The following DRC4 variants were observed in gnomAD, a reference collection of about 807,000 sequenced individuals.
DRC4 encodes the protein GAS-11.
At chr16:90,033,906 A>C in the DRC4 span, among the ~76,000 whole-genome samples, 1 of 150,830 alleles carries the variant, frequency 6.6e-6, no homozygotes, top group African/African-American at 2.4e-5. Flanking sequence ...GGGAGACGGG[A>C]TGGGCCAGTG....
chr16:90,027,474 G>A, the DRC4 span, among the ~76,000 whole-genome samples: 1 of 152,188 alleles, frequency 6.6e-6, no homozygotes, highest in Non-Finnish European at 1.5e-5. Flanking sequence ...GGATGTGTGT[G>A]TGGTAAAGGG....
the DRC4 span, among the ~76,000 whole-genome samples, chr16:90,041,496 ACTT>A: frequency 6.6e-6 from 1 of 151,832 alleles, no homozygotes; most frequent in Non-Finnish European, 1.5e-5. Flanking sequence ...GCTGAAGACT[ACTT>A]TTTTCTGTTA....
At chr16:90,019,637 C>T in the DRC4 span, 11 of 420,444 alleles carry the variant, frequency 2.6e-5, 1 homozygote, top group South Asian at 5.7e-4. The surrounding 1 kb of genome is among the most constrained non-coding windows in gnomAD (Gnocchi z 6.1). Flanking sequence ...CCGACCCTTC[C>T]CTCGCGGGCC....
the DRC4 span, chr16:90,036,907 G>C: frequency 3.6e-6 from 2 of 556,290 alleles, no homozygotes; most frequent in Non-Finnish European, 3.2e-6. Context: ...AGGTGTCATA[G>C]TCACTGCCTG....
At chr16:90,024,158 A>ACACACACACACACACACACAC in the DRC4 span, among the ~76,000 whole-genome samples, 1 of 151,142 alleles carries the variant, frequency 6.6e-6, no homozygotes, top group East Asian at 1.9e-4. Context: ...ACACACACAC[A>ACACACACACACACACACACAC]AAATTAGCCG....
chr16:90,036,451 G>T, the DRC4 span: 1 of 1,614,114 alleles, frequency 6.2e-7, no homozygotes, highest in Non-Finnish European at 8.5e-7. Context: ...GAAAGACTGA[G>T]CTCCACGAAG....
the DRC4 span, chr16:90,043,911 G>A: frequency 1.3e-5 from 6 of 446,834 alleles, no homozygotes; most frequent in Admixed American, 7.7e-5. Flanking sequence ...GCCAGTCTTC[G>A]CTCTAACTCC....
the DRC4 span, among the ~76,000 whole-genome samples, chr16:90,033,364 C>T: frequency 5.8e-4 from 88 of 152,262 alleles, 1 homozygote; most frequent in Non-Finnish European, 2.4e-4. Context: ...TCCAGGGCAC[C>T]ATTAAAATTC....
At chr16:90,044,953 A>C in the DRC4 span, 1 of 191,302 alleles carries the variant, frequency 5.2e-6, no homozygotes, top group Non-Finnish European at 1.1e-5. Flanking sequence ...AAAGTGGATT[A>C]TACTATTTGT....
At chr16:90,043,171 C>A in the DRC4 span, 3 of 1,594,040 alleles carry the variant, frequency 1.9e-6, no homozygotes, top group Non-Finnish European at 2.6e-6. Context: ...ACCCTCAGCT[C>A]CCTGACACTG....
At chr16:90,029,855 C>CT in the DRC4 span, 2 of 164,820 alleles carry the variant, frequency 1.2e-5, no homozygotes, top group South Asian at 1.9e-4. Flanking sequence ...CTCCTGGGTT[C>CT]ACACCATCCT....
the DRC4 span, chr16:90,037,129 C>G: frequency 8.4e-7 from 1 of 1,186,732 alleles, no homozygotes; most frequent in Non-Finnish European, 1.2e-6. Flanking sequence ...AGGCTGGCAG[C>G]AGCTGGTGAT....
chr16:90,038,232 T>G, the DRC4 span, among the ~76,000 whole-genome samples: 1 of 152,316 alleles, frequency 6.6e-6, no homozygotes, highest in South Asian at 2.1e-4. Context: ...AAGATGAGTC[T>G]CCGGCTGCTC....
the DRC4 span, chr16:90,035,551 C>G: frequency 1.9e-6 from 3 of 1,592,146 alleles, no homozygotes; most frequent in African/African-American, 2.7e-5. Context: ...TGACCAAAAC[C>G]ATGAGGAACA....
the DRC4 span, chr16:90,028,007 C>G: frequency 1.7e-4 from 71 of 407,146 alleles, no homozygotes; most frequent in Middle Eastern, 1.3e-3. Context: ...CGTGTATTCT[C>G]TTTCAATCTT....
the DRC4 span, chr16:90,019,684 C>T: frequency 1.8e-6 from 1 of 552,272 alleles, no homozygotes; most frequent in Admixed American, 3.9e-5. The surrounding 1 kb of genome is among the most constrained non-coding windows in gnomAD (Gnocchi z 6.1). Context: ...CCTGGCTGCG[C>T]CCTCCCGACC....
At chr16:90,023,495 C>T in the DRC4 span, among the ~76,000 whole-genome samples, 1 of 152,218 alleles carries the variant, frequency 6.6e-6, no homozygotes, top group Non-Finnish European at 1.5e-5. Context: ...GGAGCCCCAC[C>T]AAGTCCCTGC....
chr16:90,044,427 C>T, the DRC4 span: 177 of 455,932 alleles, frequency 3.9e-4, 2 homozygotes, highest in South Asian at 2.1e-3. Flanking sequence ...AAATGATGCC[C>T]GGCCAGCAGG....
the DRC4 span, chr16:90,040,082 T>G: frequency 1.7e-6 from 1 of 596,756 alleles, no homozygotes; most frequent in Non-Finnish European, 3.0e-6. Flanking sequence ...GAAGGGCTTA[T>G]GCTGATGTGT....
Sources: gnomAD v4.1 joint callset for allele counts (sites outside exome capture counted in the v4.1 genomes callset) on GRCh38, gnomAD v4.1.1 for gene constraint, Gnocchi (gnomAD v3.1) non-coding constraint, MANE v1.5 for transcripts, NCBI Gene and HGNC (gene_info 2026-07-23, HGNC 2026-07-21) for gene names.